MORN1: variants seen among roughly 807,000 people sequenced by gnomAD.
MORN1 encodes the protein MORN repeat containing 1.
A neutral mutation model predicts 61.9 loss-of-function variants in MORN1; 67 were observed. The ratio of observed to expected loss-of-function variants is 1.08; its 90% confidence interval spans 0.89 to 1.33. The LOEUF is 1.33. Among genes scored for constraint, MORN1 ranks in the 40% most tolerant of loss-of-function variants. The pLI is 0.00. For synonymous variants in MORN1, 301 were observed against 292.0 expected, an observed-to-expected ratio of 1.03 and a Z score of -0.31; for missense variants, 752 against 691.2, an observed-to-expected ratio of 1.09 and a Z score of -0.99.
In MORN1 at chr1:2,357,646, T is replaced by A; in HGVS notation, c.870-48A>T. The A allele has an allele frequency of 6.5e-7, 1 of 1,532,548 alleles. No individual in the cohort carries two copies. Among genetic ancestry groups the A allele is most frequent in the South Asian group, 1.2e-5 (1 of 80,152 alleles). The allele number at this position is 1,532,548 out of a possible 1,614,324, so 94.9% of individuals were successfully genotyped here. Reference sequence around the variant, plus strand: ...TGGCTCTACTCACCCCACACCAAACTAGGGTGCAGGCAGACAGCGTGGCCC... The same window carrying A: ...TGGCTCTACTCACCCCACACCAAACAAGGGTGCAGGCAGACAGCGTGGCCC... On this transcript the variant is annotated intron_variant, in intron 9 of 13. Transcript: ENST00000378531. The surrounding 1 kb of genome is among the most constrained non-coding windows in gnomAD (Gnocchi z 6.3).
At chr1:2,335,805 C>G (rs1002309271) in intron 12 of MORN1, among the ~76,000 whole-genome samples, 2 of 144,684 alleles carry the variant, frequency 1.4e-5, no homozygotes, top group Non-Finnish European at 2.9e-5. Flanking sequence ...CAGGGCACAT[C>G]AGCGGGGGCC....
At chr1:2,355,978 G>A (rs55722018) in intron 10 of MORN1, among the ~76,000 whole-genome samples, 1,598 of 152,314 alleles carry the variant, frequency 0.01, 26 homozygotes, top group African/African-American at 0.036. Flanking sequence ...AAGGCTCACC[G>A]GACTCCGGCT....
chr1:2,378,645 C>G (rs1016309254), intron 6 of MORN1: 7 of 298,856 alleles, frequency 2.3e-5, no homozygotes, highest in Non-Finnish European at 4.6e-5. Context: ...CAGGGATGCC[C>G]GGAGGGCCGC....
chr1:2,331,765 C>T (rs192454120), intron 12 of MORN1, among the ~76,000 whole-genome samples: 37 of 152,196 alleles, frequency 2.4e-4, no homozygotes, highest in African/African-American at 5.8e-4. Flanking sequence ...CTCCCGCATG[C>T]GCCGTCCTTC....
intron 8 of MORN1, among the ~76,000 whole-genome samples, chr1:2,359,493 C>T (rs1019252012): frequency 7.2e-5 from 11 of 152,180 alleles, no homozygotes; most frequent in Admixed American, 5.2e-4. Context: ...TTCAGCCACA[C>T]CCAGAAGACC....
At chr1:2,363,917 G>T (rs886611079) in intron 8 of MORN1, among the ~76,000 whole-genome samples, 1 of 151,610 alleles carries the variant, frequency 6.6e-6, no homozygotes, top group African/African-American at 2.4e-5. Context: ...AACAGCTGGG[G>T]CAAATTAAAA....
At chr1:2,358,110 G>T (rs1641814268) in intron 9 of MORN1, among the ~76,000 whole-genome samples, 1 of 152,190 alleles carries the variant, frequency 6.6e-6, no homozygotes, top group Non-Finnish European at 1.5e-5. Context: ...GCCTCTGTTT[G>T]CGTGTGGGTT....
intron 10 of MORN1, among the ~76,000 whole-genome samples, chr1:2,353,962 G>C (rs1641706450): frequency 1.3e-5 from 2 of 152,254 alleles, no homozygotes; most frequent in Admixed American, 6.5e-5. Flanking sequence ...TCCTAAATGG[G>C]ATTACGGATT....
chr1:2,353,003 G>C (rs902457772), intron 10 of MORN1, among the ~76,000 whole-genome samples: 13 of 152,338 alleles, frequency 8.5e-5, no homozygotes, highest in African/African-American at 3.1e-4. Context: ...CCTCTCCCAG[G>C]TAAGCACAGA....
At chr1:2,328,350 G>C (rs1322749748) in intron 12 of MORN1, among the ~76,000 whole-genome samples, 3 of 152,212 alleles carry the variant, frequency 2.0e-5, no homozygotes, top group Non-Finnish European at 2.9e-5. Flanking sequence ...GCGCCCACTG[G>C]TGCAGTAAGG....
intron 10 of MORN1, among the ~76,000 whole-genome samples, chr1:2,340,996 G>A (rs150874135): frequency 2.3e-4 from 35 of 152,342 alleles, no homozygotes; most frequent in African/African-American, 7.0e-4. Context: ...GCTGTCCTAC[G>A]GTCCTCTCCT....
At chr1:2,350,573 G>C (rs1264801364) in intron 10 of MORN1, 2 of 152,250 alleles carry the variant, frequency 1.3e-5, no homozygotes, top group East Asian at 1.9e-4. Context: ...TGTCCCTGGG[G>C]TGGGGATGGC....
intron 12 of MORN1, among the ~76,000 whole-genome samples, chr1:2,335,045 A>G (rs1179215520): frequency 6.6e-6 from 1 of 152,212 alleles, no homozygotes; most frequent in African/African-American, 2.4e-5. Flanking sequence ...GCTGTTTTTT[A>G]GTCTCTGCTT....
Position 2,358,704 on chromosome 1 carries a change from G to C in MORN1, c.757C>G (p.Arg253Gly). Residue 253 changes from arginine (R) to glycine (G), a missense_variant, in exon 9 of 14, where the codon CGG becomes GGG. Arg to Gly is a moderately radical substitution (Grantham distance 125). Transcript: ENST00000378531. ...ACGCCCGCTGAGATCTGCAGGACCC[G>C]GCCGCTCTCGCCTTCCAGGAGAGAG... ...HGEIAKSESG[R>G]VLQISAGVRY... 1 of 1,610,812 alleles carries C rather than the reference G, an allele frequency of 6.2e-7. No individual in the cohort carries two copies. The highest frequency in any genetic ancestry group is 8.5e-7 in the Non-Finnish European group (1 of 1,178,326).
At chr1:2,342,145 C>T (rs542469907) in intron 10 of MORN1, among the ~76,000 whole-genome samples, 63 of 152,394 alleles carry the variant, frequency 4.1e-4, no homozygotes, top group Non-Finnish European at 8.5e-4. Context: ...TCGGGGGCCT[C>T]GGGAACCGAG....
intron 2 of MORN1, among the ~76,000 whole-genome samples, chr1:2,389,342 G>A (rs959703889): frequency 5.9e-5 from 9 of 152,190 alleles, no homozygotes; most frequent in Non-Finnish European, 7.3e-5. Flanking sequence ...AATCTCAGCT[G>A]ACTGCAACCT....
At position 2,374,811 on chromosome 1, in the gene MORN1, G is replaced by A. The variant is rs997573565; in HGVS notation, c.538-254C>T. The A allele has an allele frequency of 8.9e-6, 4 of 448,766 alleles. No individual in the cohort carries two copies. In the East Asian group the frequency reaches 1.1e-4, roughly 12 times the overall value. The allele number at this position is 448,766 out of a possible 1,614,324, so 27.8% of individuals were successfully genotyped here. ...CGATGCCAGGAGGTATGGGAACAACGGCACAGTATATAAAATGCAAACAAA... is the reference window on the plus strand; with the variant it reads ...CGATGCCAGGAGGTATGGGAACAACAGCACAGTATATAAAATGCAAACAAA... On this transcript the variant is annotated intron_variant, in intron 6 of 13. Transcript: ENST00000378531.
At chr1:2,327,912 C>G (rs1307600024) in intron 12 of MORN1, among the ~76,000 whole-genome samples, 1 of 152,262 alleles carries the variant, frequency 6.6e-6, no homozygotes, top group Admixed American at 6.5e-5. Flanking sequence ...CTTGGCAACC[C>G]CCTTACTGCA....
At chr1:2,336,617 A>T in intron 11 of MORN1, 69 bp from the exon 12 acceptor site, 1 of 1,595,102 alleles carries the variant, frequency 6.3e-7, no homozygotes, top group Non-Finnish European at 8.6e-7. Context: ...CTCTGCTCCA[A>T]CCCCCCTGGG....
Sources: allele counts gnomAD v4.1 joint callset (sites outside exome capture counted in the v4.1 genomes callset), GRCh38; gene constraint gnomAD v4.1.1; non-coding constraint Gnocchi (gnomAD v3.1); transcripts MANE v1.5; gene names NCBI Gene and HGNC (gene_info 2026-07-23, HGNC 2026-07-21).